KIF26B: variants seen among roughly 807,000 people sequenced by gnomAD.
KIF26B encodes the protein kinesin family member 26B.
Under a neutral mutation model 151.2 loss-of-function variants are expected in KIF26B, and 63 were observed. The ratio of observed to expected loss-of-function variants is 0.42; its 90% CI spans 0.34 to 0.51. KIF26B has a LOEUF of 0.51. Ranked by LOEUF, KIF26B falls within the 20% of genes least tolerant of loss-of-function variation. KIF26B has a pLI of 0.07. For synonymous variants in KIF26B, 1,357 were observed against 1,262.1 expected (o/e 1.08, Z -1.59); for missense variants, 2,813 against 2,913.6 (o/e 0.97, Z 0.79).
At chr1:245,656,561 T>C (rs1005129614) in intron 10 of KIF26B, among the ~76,000 whole-genome samples, 4 of 152,216 alleles carry the variant, frequency 2.6e-5, no homozygotes, top group Non-Finnish European at 5.9e-5. Context: ...TTTAGGTTGG[T>C]CTGGGGACAG....
intron 1 of KIF26B, among the ~76,000 whole-genome samples, chr1:245,155,902 A>ACCC (rs368852345): frequency 3.3e-5 from 5 of 149,898 alleles, no homozygotes; most frequent in African/African-American, 1.2e-4. Context: ...CCCTCCCCCT[A>ACCC]CCCCCCCCAT....
At chr1:245,541,473 A>T (rs1243040328) in intron 5 of KIF26B, among the ~76,000 whole-genome samples, 1 of 152,168 alleles carries the variant, frequency 6.6e-6, no homozygotes, top group South Asian at 2.1e-4. Context: ...TCAGGAAGAG[A>T]TGTAGGATCG....
intron 2 of KIF26B, among the ~76,000 whole-genome samples, chr1:245,199,265 A>G (rs1053635870): frequency 6.6e-6 from 1 of 152,048 alleles, no homozygotes; most frequent in African/African-American, 2.4e-5. Flanking sequence ...CCTCGTACCA[A>G]CAGAGGGCAA....
chr1:245,235,768 G>C (rs1428544545), intron 2 of KIF26B, among the ~76,000 whole-genome samples: 1 of 152,074 alleles, frequency 6.6e-6, no homozygotes, highest in Non-Finnish European at 1.5e-5. Flanking sequence ...TGAAATAATA[G>C]TCAGTGTGCT....
At chr1:245,677,778 TAAAATA>T (rs2044373764) in intron 10 of KIF26B, among the ~76,000 whole-genome samples, 1 of 152,222 alleles carries the variant, frequency 6.6e-6, no homozygotes, top group Non-Finnish European at 1.5e-5. Context: ...TAAACTCAAA[TAAAATA>T]AAAATAAAGT....
At position 245,547,449 on chromosome 1, in the gene KIF26B, G is replaced by A. The variant is rs1219473436; in HGVS notation, c.1350+6499G>A. Among the ~76,000 whole-genome samples, 3 of 152,042 alleles carry A rather than the reference G, an allele frequency of 2.0e-5. No homozygotes were observed. In the East Asian group the frequency reaches 5.8e-4, roughly 29 times the overall value. ...AAAAATACAAAAATTAGCCAGGCAT[G>A]GTGGCAGGCACCTGTAATCCCAGCT... On this transcript the variant is annotated intron_variant, in intron 5 of 14. Transcript: ENST00000407071.
At chr1:245,311,236 G>A (rs1213633843) in intron 2 of KIF26B, among the ~76,000 whole-genome samples, 5 of 152,198 alleles carry the variant, frequency 3.3e-5, no homozygotes, top group African/African-American at 1.2e-4. Flanking sequence ...AAGGGTGCCT[G>A]TGACCCATGG....
chr1:245,504,041 C>T (rs1371078798), intron 4 of KIF26B, among the ~76,000 whole-genome samples: 1 of 152,170 alleles, frequency 6.6e-6, no homozygotes, highest in Admixed American at 6.5e-5. Context: ...CTAGGGGCTG[C>T]TGAATAAAGT....
intron 2 of KIF26B, among the ~76,000 whole-genome samples, chr1:245,171,359 T>C (rs1668705184): frequency 2.0e-5 from 3 of 152,142 alleles, no homozygotes; most frequent in Non-Finnish European, 2.9e-5. Flanking sequence ...CTGACCAACA[T>C]GGTGAAACCC....
At chr1:245,677,509 T>G (rs1558265094) in intron 10 of KIF26B, among the ~76,000 whole-genome samples, 1 of 152,244 alleles carries the variant, frequency 6.6e-6, no homozygotes, top group Non-Finnish European at 1.5e-5. Context: ...GTACTTTAAC[T>G]TCACGTACCT....
At chr1:245,280,161 A>G (rs1304514018) in intron 2 of KIF26B, among the ~76,000 whole-genome samples, 1 of 151,540 alleles carries the variant, frequency 6.6e-6, no homozygotes, top group Non-Finnish European at 1.5e-5. Context: ...GTCACCCAGA[A>G]CCCCCTAACA....
rs1237048728 is a variant in KIF26B, at chr1:245,688,042, A to T, written c.5059A>T (p.Ser1687Cys). The change falls in exon 12 of 15, where the codon AGC (serine) becomes TGC (cysteine). Residue 1687 changes from serine (S) to cysteine (C), a missense_variant. Physicochemically the swap from Ser to Cys is moderately radical, Grantham distance 112 (BLOSUM62 -1). Around this residue, in one of 3 missense-constraint regions of KIF26B, gnomAD observed 2,060 missense variants for 2,088.6 expected, o/e 0.99. Transcript: ENST00000407071. ...ATGCCTCTCCCTGGAGCGGGCCGAG[A>T]GCCTGTCCTCCGTGAGCTCCCGGCT... ...YECLSLERAE[S>C]LSSVSSRLHA... 1.3e-6 allele frequency: 2 copies of T among 1,555,616 alleles called. No homozygotes were observed.
chr1:245,586,300 A>G lies in KIF26B; in HGVS notation c.1351-16277A>G, dbSNP rs941136615. On this transcript the variant is annotated intron_variant, in intron 5 of 14. Coordinates refer to ENST00000407071, the MANE Select transcript of KIF26B (RefSeq NM_018012.4). The stretch of plus-strand genomic sequence containing the variant: ...CTCCCAAAGTGCTGGGATTGCAGGC[A>G]TGAGCCACCTGGCCCATCTATAACT... 2.6e-5 allele frequency among the ~76,000 whole-genome samples: 4 copies of G among 152,188 alleles called. No homozygotes were observed. The East Asian group carries it at 7.8e-4, about 30-fold the overall frequency.
At chr1:245,700,767 G>A (rs560737499) in intron 14 of KIF26B, among the ~76,000 whole-genome samples, 13 of 152,336 alleles carry the variant, frequency 8.5e-5, no homozygotes, top group Middle Eastern at 6.8e-3. Context: ...GCCTTTCATC[G>A]AAGGCGCTAA....
At chr1:245,508,922 T>G (rs1276106490) in intron 4 of KIF26B, among the ~76,000 whole-genome samples, 1 of 152,236 alleles carries the variant, frequency 6.6e-6, no homozygotes, top group East Asian at 1.9e-4. Context: ...TTCCACTAAG[T>G]CATAACTCTC....
At chr1:245,226,838 A>C (rs1272683282) in intron 2 of KIF26B, among the ~76,000 whole-genome samples, 1 of 152,174 alleles carries the variant, frequency 6.6e-6, no homozygotes, top group Non-Finnish European at 1.5e-5. Context: ...GATCACAGTG[A>C]TGTTCATTCT....
At chr1:245,697,490 CA>C (rs1366259639) in intron 12 of KIF26B, among the ~76,000 whole-genome samples, 1 of 152,174 alleles carries the variant, frequency 6.6e-6, no homozygotes, top group Non-Finnish European at 1.5e-5. Flanking sequence ...GTAATGACAT[CA>C]AATGCTAGGA....
At chr1:245,296,786 A>G (rs12137942) in intron 2 of KIF26B, among the ~76,000 whole-genome samples, 4,603 of 152,340 alleles carry the variant, frequency 0.03, 93 homozygotes, top group Middle Eastern at 0.062. Context: ...GAGCTCAGTC[A>G]ACATTCAGCT....
At chr1:245,252,553 T>G (rs897036449) in intron 2 of KIF26B, among the ~76,000 whole-genome samples, 8 of 152,202 alleles carry the variant, frequency 5.3e-5, no homozygotes, top group African/African-American at 1.4e-4. Context: ...TATAACAAAC[T>G]GAACTCTTTT....
Sources: allele counts gnomAD v4.1 joint callset (sites outside exome capture counted in the v4.1 genomes callset), GRCh38; gene constraint gnomAD v4.1.1; regional missense constraint gnomAD v4.1.1; transcripts MANE v1.5; gene names NCBI Gene and HGNC (gene_info 2026-07-23, HGNC 2026-07-21).